The following OR4K14 variants were observed in gnomAD, a reference collection of about 807,000 sequenced individuals.
OR4K14 encodes the protein olfactory receptor 4K14.
For missense variants in OR4K14, 406 were observed against 373.6 expected, an observed-to-expected ratio of 1.09 and a Z score of -0.72; for synonymous variants, 153 against 141.5, an observed-to-expected ratio of 1.08 and a Z score of -0.58.
chr14:20,018,377 A>G (rs1436669843), intron 1 of OR4K14, among the ~76,000 whole-genome samples: 1 of 151,990 alleles, frequency 6.6e-6, no homozygotes, highest in Non-Finnish European at 1.5e-5. Flanking sequence ...GATGCTACCC[A>G]TCTTTAGTCT....
intron 1 of OR4K14, among the ~76,000 whole-genome samples, chr14:20,018,832 A>C (rs966633614): frequency 2.6e-5 from 4 of 151,952 alleles, no homozygotes; most frequent in Non-Finnish European, 4.4e-5. Context: ...AATGGATATT[A>C]AAAGATGTTG....
Position 20,015,113 on chromosome 14 carries a change from G to T in OR4K14, c.81C>A (p.Phe27Leu). The change falls in exon 2 of 2, where the codon TTC (phenylalanine) becomes TTA (leucine). Residue 27 changes from phenylalanine (F) to leucine (L), a missense_variant. Transcript: ENST00000641793. ...LCTSRHLQNF[F>L]FIFFFGVYVA... ...CATAGACCCCAAAGAAAAATATAAA[G>T]AAAAAATTTTGAAGATGTCGTGAAG... 6.2e-7 allele frequency: 1 copy of T among 1,613,750 alleles called. No homozygotes were observed. Among genetic ancestry groups the T allele is most frequent in the Non-Finnish European group, 8.5e-7 (1 of 1,179,826 alleles).
At chr14:20,017,988 T>G (rs907153488) in intron 1 of OR4K14, among the ~76,000 whole-genome samples, 1 of 151,986 alleles carries the variant, frequency 6.6e-6, no homozygotes, top group South Asian at 2.1e-4. Context: ...TGTATAAAGC[T>G]TTTAATAAGG....
rs201474233 is a variant in OR4K14, at chr14:20,017,922, G to GT, written c.-30+1220dup. On this transcript the variant is annotated intron_variant, in intron 1 of 1. Transcript: ENST00000641793. ...ACAGGATGCATAGGTCCCATAATTA[G>GT]TTTTTTTTATGAGCAATAAACTGGA... Among the ~76,000 whole-genome samples the GT allele has an allele frequency of 6.2e-3, 942 of 151,846 alleles. 6 individuals are homozygous for GT. Among genetic ancestry groups the GT allele is most frequent in the African/African-American group, 0.021 (869 of 41,456 alleles).
chr14:20,014,407 A>AAGGCCGCACAT lies in OR4K14; in HGVS notation c.776_786dup (p.Phe263MetfsTer25), dbSNP rs1455890103. On this transcript the variant is annotated frameshift_variant, in exon 2 of 2. Coordinates refer to ENST00000641793, the MANE Select transcript of OR4K14 (RefSeq NM_001004712.2). LOFTEE classifies it low-confidence loss of function (END_TRUNC). ...AGCTTGTCCACAGAGAACCTACTGA[A>AAGGCCGCACAT]AGGCCGCACATAAACAAAAATGCAA... is the stretch of plus-strand genomic sequence containing the variant. 12 of 1,614,146 alleles carry AAGGCCGCACAT rather than the reference A, an allele frequency of 7.4e-6. No individual in the cohort carries two copies. Among genetic ancestry groups the AAGGCCGCACAT allele is most frequent in the Middle Eastern group, 1.6e-4 (1 of 6,062 alleles).
Position 20,014,368 on chromosome 14 carries a change from A to G in OR4K14, c.826T>C (p.Tyr276His). The G allele has an allele frequency of 6.2e-7, 1 of 1,613,890 alleles. No individual in the cohort carries two copies. The highest frequency in any genetic ancestry group is 8.5e-7 in the Non-Finnish European group (1 of 1,179,816). ...FSVDKLLSVF[Y>H]TIFTPLLNPI... Reference sequence around the variant, plus strand: ...TTCAGGAGTGGAGTAAAAATGGTATAAAACACAGACAGCAGCTTGTCCACA... The same window carrying G: ...TTCAGGAGTGGAGTAAAAATGGTATGAAACACAGACAGCAGCTTGTCCACA... The change falls in exon 2 of 2, where the codon TAT (tyrosine) becomes CAT (histidine). Residue 276 changes from tyrosine to histidine, a missense_variant. Coordinates refer to ENST00000641793, the MANE Select transcript of OR4K14 (RefSeq NM_001004712.2).
At chr14:20,016,737 T>G (rs1160571498) in intron 1 of OR4K14, among the ~76,000 whole-genome samples, 2 of 152,018 alleles carry the variant, frequency 1.3e-5, no homozygotes, top group African/African-American at 4.8e-5. Context: ...TTCAATATGC[T>G]GGAAATATGG....
rs116459500 is a variant in OR4K14, at chr14:20,018,627, A to G, written c.-30+516T>C. On this transcript the variant is annotated intron_variant, in intron 1 of 1. Transcript: ENST00000641793. Reference sequence around the variant, plus strand: ...TTTTAATAAAGATTAAGTGAACAGAAAGTTGAAATAATCAGATGGAAAACT... The same window carrying G: ...TTTTAATAAAGATTAAGTGAACAGAGAGTTGAAATAATCAGATGGAAAACT... Among the ~76,000 whole-genome samples the G allele has an allele frequency of 8.4e-3, 1,277 of 152,128 alleles. 20 individuals carry two copies. The highest frequency in any genetic ancestry group is 0.025 in the African/African-American group (1,041 of 41,560).
chr14:20,014,402 A>G lies in OR4K14; in HGVS notation c.792T>C (p.Ser264=). ...ACAGCAGCTTGTCCACAGAGAACCT[A>G]CTGAAAGGCCGCACATAAACAAAAA... The part of the protein sequence containing the change: ...PCIFVYVRPF[S]RFSVDKLLSV... Residue 264 remains serine, a synonymous_variant, in exon 2 of 2, where the codon AGT becomes AGC. Coordinates refer to ENST00000641793, the MANE Select transcript of OR4K14 (RefSeq NM_001004712.2). 1.2e-6 allele frequency: 2 copies of G among 1,614,096 alleles called. No individual in the cohort carries two copies. Among genetic ancestry groups the G allele is most frequent in the African/African-American group, 2.7e-5 (2 of 75,026 alleles).
At position 20,014,999 on chromosome 14, in the gene OR4K14, C is replaced by T; in HGVS notation, c.195G>A (p.Gly65=). The change falls in exon 2 of 2, where the codon GGG becomes GGA. Residue 65 remains glycine (G), a synonymous_variant. Transcript: ENST00000641793. The part of the protein sequence containing the change: ...LHSSPMYFLL[G]NLAFLDMWLA... ...GCCACATGTCCAGGAAAGCTAGGTT[C>T]CCCAGCAGGAAGTACATAGGGGAGG... 1 of 1,613,954 alleles carries T rather than the reference C, an allele frequency of 6.2e-7. No homozygotes were observed.
At position 20,014,539 on chromosome 14, in the gene OR4K14, A is replaced by T. The variant is rs774313036; in HGVS notation, c.655T>A (p.Tyr219Asn). 1 of 1,614,124 alleles carries T rather than the reference A, an allele frequency of 6.2e-7. No homozygotes were observed. Among genetic ancestry groups the T allele is most frequent in the South Asian group, 1.1e-5 (1 of 91,076 alleles). Residue 219 changes from tyrosine (Y) to asparagine (N), a missense_variant, in exon 2 of 2, where the codon TAC becomes AAC. Transcript: ENST00000641793. The stretch of plus-strand genomic sequence containing the variant: ...CTGATAGCGAGGAGGATCACGGTGT[A>T]GGAGATCAGGAGGAGCAGAAAACAG... ...LSCFLLLLIS[Y>N]TVILLAIRQR...
intron 1 of OR4K14, among the ~76,000 whole-genome samples, chr14:20,017,703 G>T (rs1166610548): frequency 6.6e-6 from 1 of 151,880 alleles, no homozygotes; most frequent in Non-Finnish European, 1.5e-5. Context: ...AATAAAGGGA[G>T]GATGATTAAT....
intron 1 of OR4K14, among the ~76,000 whole-genome samples, chr14:20,015,468 T>C (rs1953998): frequency 0.76 from 115,509 of 151,998 alleles, 45,641 homozygotes; most frequent in East Asian, 0.98. Flanking sequence ...ATTCAAGTGA[T>C]CTATTGTACA....
intron 1 of OR4K14, among the ~76,000 whole-genome samples, chr14:20,016,615 C>T (rs1313656310): frequency 1.3e-5 from 2 of 151,866 alleles, no homozygotes; most frequent in African/African-American, 4.8e-5. Flanking sequence ...AATTGCAAAA[C>T]GTGGGACTCT....
chr14:20,015,207 A>G lies in OR4K14; in HGVS notation c.-14T>C, dbSNP rs374450925. The G allele has an allele frequency of 3.5e-5, 54 of 1,543,834 alleles. No homozygotes were observed. In the African/African-American group the frequency reaches 6.7e-4, roughly 19 times the overall value. ...CTGTGGGTCCATTGCCTCAGGTTTC[A>G]GACTTTGTTTGTAATCTAAATAAAG... On this transcript the variant is annotated 5_prime_UTR_variant, in exon 2 of 2. Coordinates refer to ENST00000641793, the MANE Select transcript of OR4K14 (RefSeq NM_001004712.2).
In OR4K14 at chr14:20,014,952, T is replaced by G. The variant is rs1306096193; in HGVS notation, c.242A>C (p.Lys81Thr). 6.2e-7 allele frequency: 1 copy of G among 1,614,002 alleles called. No homozygotes were observed. The highest frequency in any genetic ancestry group is 8.5e-7 in the Non-Finnish European group (1 of 1,179,994). The change falls in exon 2 of 2, where the codon AAG (lysine) becomes ACG (threonine). Residue 81 changes from lysine to threonine, a missense_variant. Coordinates refer to ENST00000641793, the MANE Select transcript of OR4K14 (RefSeq NM_001004712.2). Reference sequence around the variant, plus strand: ...ATCACTAAGGAAATCCCTGATCATCTTGGGAGTGGCAAATGAGGCCAGCCA... The same window carrying G: ...ATCACTAAGGAAATCCCTGATCATCGTGGGAGTGGCAAATGAGGCCAGCCA... ...DMWLASFATP[K>T]MIRDFLSDQK...
chr14:20,018,749 A>T (rs1376814079), intron 1 of OR4K14, among the ~76,000 whole-genome samples: 1 of 151,996 alleles, frequency 6.6e-6, no homozygotes, highest in African/African-American at 2.4e-5. Flanking sequence ...AAATACACTA[A>T]AAACCATTGA....
chr14:20,016,752 T>C (rs1361266093), intron 1 of OR4K14, among the ~76,000 whole-genome samples: 2 of 152,086 alleles, frequency 1.3e-5, no homozygotes, highest in African/African-American at 4.8e-5. Context: ...ATATGGGCCG[T>C]AATCAGCAAA....
chr14:20,019,080 T>C (rs1461019713), intron 1 of OR4K14, 63 bp downstream of exon 1: 6 of 134,140 alleles, frequency 4.5e-5, no homozygotes, highest in African/African-American at 1.5e-4. Context: ...AATATAACAA[T>C]TAGTCTGTAT....
Sources: gnomAD v4.1 joint callset for allele counts (sites outside exome capture counted in the v4.1 genomes callset) on GRCh38, gnomAD v4.1.1 for gene constraint, MANE v1.5 for transcripts, NCBI Gene and HGNC (gene_info 2026-07-23, HGNC 2026-07-21) for gene names.